The following MTUS1 variants were observed in gnomAD, a reference collection of about 807,000 sequenced individuals.
MTUS1 encodes microtubule-associated tumor suppressor 1.
MTUS1 carries 109 observed loss-of-function variants against 120.8 expected under a neutral mutation model. The observed-to-expected ratio is 0.90, with a 90% CI of 0.77 to 1.06. The LOEUF (loss-of-function observed/expected upper bound fraction) is 1.06. MTUS1 is among the 50% of genes least tolerant of loss of function. The pLI is 0.00. For missense variants in MTUS1, 2,210 were observed against 1,486.3 expected (o/e 1.49, Z -8.01); for synonymous variants, 737 against 550.5 (o/e 1.34, Z -4.74).
intron 6 of MTUS1, among the ~76,000 whole-genome samples, chr8:17,706,434 C>G (rs1315609807): frequency 1.3e-5 from 2 of 152,068 alleles, no homozygotes; most frequent in African/African-American, 2.4e-5. Context: ...TCTACATTGT[C>G]TTATGAGATA....
intron 6 of MTUS1, among the ~76,000 whole-genome samples, chr8:17,697,967 C>T (rs1043194473): frequency 2.4e-4 from 36 of 151,994 alleles, no homozygotes; most frequent in Non-Finnish European, 3.2e-4. Context: ...TACATTTAAA[C>T]CTGGTATTTT....
At chr8:17,771,339 A>G (rs1028351992) in intron 1 of MTUS1, among the ~76,000 whole-genome samples, 1 of 152,244 alleles carries the variant, frequency 6.6e-6, no homozygotes, top group Non-Finnish European at 1.5e-5. Context: ...AATTATTTAA[A>G]TATTTGTAAT....
chr8:17,651,622 G>A (rs1004930842), intron 12 of MTUS1: 1 of 151,066 alleles, frequency 6.6e-6, no homozygotes, highest in African/African-American at 2.4e-5. Context: ...TAAAATTAGA[G>A]CATTTACAAG....
Position 17,753,897 on chromosome 8 carries a change from G to T in MTUS1, c.1911C>A (p.Ile637=). The change falls in exon 2 of 15, where the codon ATC becomes ATA. Residue 637 remains isoleucine, a synonymous_variant. Transcript: ENST00000693296. The stretch of plus-strand genomic sequence containing the variant: ...CCATTTTAACAGGGAGTATGCCTTT[G>T]ATCTTCTGAAACAACGCAGAAACGG... The part of the protein sequence containing the change: ...TGSVSALFQK[I]KGILPVKMES... 6.2e-7 allele frequency: 1 copy of T among 1,614,090 alleles called. No individual in the cohort carries two copies. Among genetic ancestry groups the T allele is most frequent in the Non-Finnish European group, 8.5e-7 (1 of 1,180,004 alleles).
chr8:17,697,691 T>C (rs1743682642), intron 6 of MTUS1: 4 of 1,022,746 alleles, frequency 3.9e-6, no homozygotes, highest in East Asian at 8.6e-5. Context: ...GGAGTTGTTA[T>C]GGTTTTCATC....
chr8:17,754,062 G>C lies in MTUS1; in HGVS notation c.1746C>G (p.Leu582=), dbSNP rs745769011. The C allele has an allele frequency of 6.2e-7, 1 of 1,614,022 alleles. No homozygotes were observed. The highest frequency in any genetic ancestry group is 1.1e-5 in the South Asian group (1 of 91,078). Residue 582 remains leucine (L), a synonymous_variant, in exon 2 of 15, where the codon CTC becomes CTG. Coordinates refer to ENST00000693296, the MANE Select transcript of MTUS1 (RefSeq NM_001363059.2). The part of the protein sequence containing the change: ...NKTHKQQFNK[L]ITSQAVHVTT... The stretch of plus-strand genomic sequence containing the variant: ...TAACATGCACAGCCTGGCTAGTAAT[G>C]AGTTTATTAAACTGCTGCTTATGTG...
chr8:17,761,465 C>G (rs1003393166), intron 1 of MTUS1, among the ~76,000 whole-genome samples: 1 of 152,170 alleles, frequency 6.6e-6, no homozygotes, highest in African/African-American at 2.4e-5. Context: ...AAATCAACTG[C>G]ATGACGTGAC....
At chr8:17,646,221 TA>T in intron 14 of MTUS1, 82 bp from the exon 15 acceptor site, 1 of 1,369,282 alleles carries the variant, frequency 7.3e-7, no homozygotes, top group Non-Finnish European at 9.7e-7. Flanking sequence ...TTTGAAACTT[TA>T]AAGTCCAAAA....
At chr8:17,724,506 A>G (rs2046082666) in intron 3 of MTUS1, among the ~76,000 whole-genome samples, 1 of 151,534 alleles carries the variant, frequency 6.6e-6, no homozygotes, top group Non-Finnish European at 1.5e-5. Context: ...TTTTAATCTC[A>G]CCTTTTCTTC....
chr8:17,698,960 T>TA, intron 6 of MTUS1, among the ~76,000 whole-genome samples: 1 of 152,222 alleles, frequency 6.6e-6, no homozygotes, highest in South Asian at 2.1e-4. Flanking sequence ...AGTTTATTAT[T>TA]AAAAAACCTG....
intron 6 of MTUS1, among the ~76,000 whole-genome samples, chr8:17,695,381 C>G (rs1817746160): frequency 6.6e-6 from 1 of 152,214 alleles, no homozygotes; most frequent in Non-Finnish European, 1.5e-5. Context: ...CTGTGTGCCT[C>G]TGGGCAAGCG....
intron 6 of MTUS1, among the ~76,000 whole-genome samples, chr8:17,710,395 G>C (rs1821054542): frequency 6.6e-6 from 1 of 152,134 alleles, no homozygotes; most frequent in South Asian, 2.1e-4. Context: ...TCTTTACCAG[G>C]AGTAGATTCC....
At chr8:17,698,524 T>A (rs556147713) in intron 6 of MTUS1, among the ~76,000 whole-genome samples, 1 of 152,332 alleles carries the variant, frequency 6.6e-6, no homozygotes, top group South Asian at 2.1e-4. Context: ...AAACAATGTT[T>A]TAAAAATGTC....
chr8:17,650,512 A>C (rs1259227744), intron 12 of MTUS1, among the ~76,000 whole-genome samples: 1 of 152,192 alleles, frequency 6.6e-6, no homozygotes, highest in African/African-American at 2.4e-5. Flanking sequence ...CAGTACCTAC[A>C]CGGCATGGAG....
intron 10 of MTUS1, chr8:17,653,763 A>T: frequency 2.8e-6 from 1 of 353,152 alleles, no homozygotes; most frequent in Non-Finnish European, 5.0e-6. Context: ...CGACCTTAGG[A>T]CAACACTGAG....
Position 17,644,760 on chromosome 8 carries a change from G to A in MTUS1, c.*1166C>T, listed in dbSNP as rs912633514. 28 of 152,112 alleles carry A rather than the reference G, an allele frequency of 1.8e-4. No individual in the cohort carries two copies. Among genetic ancestry groups the A allele is most frequent in the African/African-American group, 6.8e-4 (28 of 41,416 alleles). The allele number at this position is 152,112 out of a possible 1,614,324, so 9.4% of individuals were successfully genotyped here. A position where few individuals can be genotyped will look rare whatever the true frequency, so the allele number is the denominator to read the frequency against. On this transcript the variant is annotated 3_prime_UTR_variant, in exon 15 of 15. Coordinates refer to ENST00000693296, the MANE Select transcript of MTUS1 (RefSeq NM_001363059.2). Reference sequence around the variant, plus strand: ...TCCTTGTTCTCGTTCTTTATTCTAAGATTTCCCAAAATTTGTAATATCAAA... The same window carrying A: ...TCCTTGTTCTCGTTCTTTATTCTAAAATTTCCCAAAATTTGTAATATCAAA...
In MTUS1 at chr8:17,647,047, C is replaced by T. The variant is rs372295537; in HGVS notation, c.3534G>A (p.Leu1178=). Residue 1178 remains leucine, a synonymous_variant, in exon 14 of 15, where the codon TTG becomes TTA. Transcript: ENST00000693296. ...CTTCATTCTCCTGCTGGAAACGCTT[C>T]AATTTGTCAACCAATGCTGTGTTGT... ...VDNNTALVDK[L]KRFQQENEEL... is the part of the protein sequence containing the mutation. 6.8e-6 allele frequency: 11 copies of T among 1,613,762 alleles called. No individual in the cohort carries two copies. Among genetic ancestry groups the T allele is most frequent in the Non-Finnish European group, 9.3e-6 (11 of 1,179,950 alleles).
intron 2 of MTUS1, among the ~76,000 whole-genome samples, chr8:17,745,008 C>G (rs1049502130): frequency 1.3e-5 from 2 of 152,138 alleles, no homozygotes; most frequent in Non-Finnish European, 2.9e-5. Context: ...AACCCAAACA[C>G]CTAGGCACAT....
At chr8:17,716,468 C>G (rs2131047209) in intron 4 of MTUS1, 1 of 152,562 alleles carries the variant, frequency 6.6e-6, no homozygotes, top group East Asian at 1.9e-4. Flanking sequence ...AAAAGGGAAT[C>G]TTACCTCAAT....
Sources: allele counts gnomAD v4.1 joint callset (sites outside exome capture counted in the v4.1 genomes callset), GRCh38; gene constraint gnomAD v4.1.1; transcripts MANE v1.5; gene names NCBI Gene and HGNC (gene_info 2026-07-23, HGNC 2026-07-21).